Variants in SSBP2 observed in about 807,000 individuals in gnomAD.
SSBP2 encodes the protein single stranded DNA binding protein 2, also known as single-stranded DNA-binding protein 2.
In SSBP2, 17 loss-of-function variants were observed where a neutral mutation model predicts 61.8. That is an observed-to-expected ratio of 0.28 (90% CI 0.19 to 0.41). The LOEUF (loss-of-function observed/expected upper bound fraction) is 0.41, where lower values mean the gene tolerates loss of function less well. Among genes scored for constraint, SSBP2 ranks in the 10% least tolerant of loss-of-function variants. SSBP2 has a pLI of 1.00. For missense variants in SSBP2, 310 were observed against 458.7 expected (o/e 0.68, Z 2.96); for synonymous variants, 139 against 141.3 (o/e 0.98, Z 0.12).
intron 1 of SSBP2, among the ~76,000 whole-genome samples, chr5:81,697,259 A>G (rs577750017): frequency 2.2e-4 from 34 of 152,352 alleles, no homozygotes; most frequent in Non-Finnish European, 4.6e-4. Flanking sequence ...AACCAGCCAG[A>G]AAAATAAAAT....
chr5:81,577,935 G>T lies in SSBP2; in HGVS notation c.282+37538C>A, dbSNP rs572710937. On this transcript the variant is annotated intron_variant, in intron 4 of 16. Coordinates refer to ENST00000320672, the MANE Select transcript of SSBP2 (RefSeq NM_012446.5). ...CCAGATTGTACTAAACACATTACAT[G>T]AATCATCATATTTAATTCTACTAAA... is the stretch of plus-strand genomic sequence containing the variant. Among the ~76,000 whole-genome samples the T allele has an allele frequency of 1.1e-4, 17 of 151,990 alleles. 1 individual carries two copies. In the South Asian group the frequency reaches 3.5e-3, roughly 32 times the overall value.
At chr5:81,736,143 A>AACACAC (rs58588638) in intron 1 of SSBP2, among the ~76,000 whole-genome samples, 916 of 75,338 alleles carry the variant, frequency 0.012, 7 homozygotes, top group South Asian at 0.023. Flanking sequence ...ACTACCCTGA[A>AACACAC]ACACACACAC....
rs1451953279 is a variant in SSBP2 at position 81,414,059 on chromosome 5, G to A, written c.*6445C>T. 1 of 152,082 alleles carries A rather than the reference G, an allele frequency of 6.6e-6. No individual in the cohort carries two copies. The highest frequency in any genetic ancestry group is 2.4e-5 in the African/African-American group (1 of 41,408). The allele number at this position is 152,082 out of a possible 1,614,324, so 9.4% of individuals were successfully genotyped here. On this transcript the variant is annotated 3_prime_UTR_variant, in exon 17 of 17. Coordinates refer to ENST00000320672, the MANE Select transcript of SSBP2 (RefSeq NM_012446.5). Reference sequence around the variant, plus strand: ...ATTTTTTCTAGGAACATTAATAGTTGCCTTTGTTATGATAATGGCACATCT... The same window carrying A: ...ATTTTTTCTAGGAACATTAATAGTTACCTTTGTTATGATAATGGCACATCT...
intron 2 of SSBP2, among the ~76,000 whole-genome samples, chr5:81,648,264 G>A (rs1427268020): frequency 6.6e-6 from 1 of 152,024 alleles, no homozygotes. Context: ...ATTGCCCTAA[G>A]TCTTCTAACT....
intron 4 of SSBP2, among the ~76,000 whole-genome samples, chr5:81,588,735 T>C (rs1029649267): frequency 6.6e-6 from 1 of 152,118 alleles, no homozygotes. Context: ...AACTTATAAA[T>C]AAATGAGATA....
chr5:81,663,984 A>C (rs1750907222), intron 1 of SSBP2, among the ~76,000 whole-genome samples: 1 of 152,222 alleles, frequency 6.6e-6, no homozygotes, highest in Admixed American at 6.5e-5. Flanking sequence ...TATATGTGCA[A>C]AGGTAGAGAA....
At chr5:81,429,670 T>C (rs1212191990) in intron 15 of SSBP2, among the ~76,000 whole-genome samples, 1 of 152,076 alleles carries the variant, frequency 6.6e-6, no homozygotes, top group Non-Finnish European at 1.5e-5. Flanking sequence ...GCCATTCCTA[T>C]TTACATTGTT....
chr5:81,683,771 A>G (rs1361528370), intron 1 of SSBP2, among the ~76,000 whole-genome samples: 1 of 152,242 alleles, frequency 6.6e-6, no homozygotes. Context: ...AAACAACAAG[A>G]AAATGAACAA....
intron 4 of SSBP2, among the ~76,000 whole-genome samples, chr5:81,585,477 T>C (rs1466027643): frequency 2.0e-5 from 3 of 152,106 alleles, no homozygotes; most frequent in Non-Finnish European, 4.4e-5. Context: ...AAGCATGTTA[T>C]AAAATTTTGT....
intron 5 of SSBP2, among the ~76,000 whole-genome samples, chr5:81,500,110 T>A (rs1767587410): frequency 6.6e-6 from 1 of 152,230 alleles, no homozygotes; most frequent in Non-Finnish European, 1.5e-5. Context: ...AATACTTGCA[T>A]ATTCATTTGG....
At chr5:81,488,501 C>A (rs773861093) in intron 6 of SSBP2, among the ~76,000 whole-genome samples, 2 of 151,924 alleles carry the variant, frequency 1.3e-5, no homozygotes, top group Non-Finnish European at 2.9e-5. Flanking sequence ...ATACACTATA[C>A]CTGTTGGCCA....
At chr5:81,650,185 T>C (rs1277539531) in intron 2 of SSBP2, 82 bp downstream of exon 2, 9 of 1,033,578 alleles carry the variant, frequency 8.7e-6, no homozygotes, top group Admixed American at 2.8e-5. Context: ...CATAACAAAC[T>C]TTTTTCAAAT....
At chr5:81,547,901 T>C (rs1771860962) in intron 4 of SSBP2, among the ~76,000 whole-genome samples, 1 of 152,022 alleles carries the variant, frequency 6.6e-6, no homozygotes, top group African/African-American at 2.4e-5. Flanking sequence ...CAGTTGCCAA[T>C]AGTTGGAGGA....
intron 4 of SSBP2, among the ~76,000 whole-genome samples, chr5:81,517,201 A>G (rs1216171382): frequency 2.6e-5 from 4 of 152,054 alleles, no homozygotes; most frequent in African/African-American, 9.7e-5. Context: ...TATTTCCTCC[A>G]ACTAAACTGA....
chr5:81,589,910 T>C (rs72773052), intron 4 of SSBP2, among the ~76,000 whole-genome samples: 26,846 of 151,938 alleles, frequency 0.18, 2,462 homozygotes, highest in Non-Finnish European at 0.21. Flanking sequence ...CACAGCCCCC[T>C]TTATGATTAG....
chr5:81,669,534 C>T (rs1751424531), intron 1 of SSBP2, among the ~76,000 whole-genome samples: 1 of 152,062 alleles, frequency 6.6e-6, no homozygotes, highest in South Asian at 2.1e-4. Flanking sequence ...CCATCATCCT[C>T]AGCAAACTAA....
chr5:81,567,580 G>A (rs986795671), intron 4 of SSBP2, among the ~76,000 whole-genome samples: 1 of 152,084 alleles, frequency 6.6e-6, no homozygotes, highest in Non-Finnish European at 1.5e-5. Flanking sequence ...AGTCTCTACT[G>A]GGTTACTGCC....
intron 4 of SSBP2, among the ~76,000 whole-genome samples, chr5:81,533,167 C>T (rs1380176944): frequency 2.0e-5 from 3 of 151,612 alleles, no homozygotes; most frequent in Non-Finnish European, 4.4e-5. Flanking sequence ...ATTTAAAAGA[C>T]AATATATACA....
In SSBP2 at chr5:81,734,377, G is replaced by C. The variant is rs17299583; in HGVS notation, c.62+16604C>G. ...TCACTTTGGTTTTAGTTTGCAGTTT[G>C]ACACAATTTCTCAGGTATATTCTAA... On this transcript the variant is annotated intron_variant, in intron 1 of 16. Transcript: ENST00000320672. 4.7e-3 allele frequency among the ~76,000 whole-genome samples: 715 copies of C among 152,240 alleles called. 1 individual carries two copies. Among genetic ancestry groups the C allele is most frequent in the Middle Eastern group, 0.017 (5 of 294 alleles).
Sources: gnomAD v4.1 joint callset for allele counts (sites outside exome capture counted in the v4.1 genomes callset) on GRCh38, gnomAD v4.1.1 for gene constraint, MANE v1.5 for transcripts, NCBI Gene and HGNC (gene_info 2026-07-23, HGNC 2026-07-21) for gene names.